The following C19orf18 variants were observed in gnomAD, a reference collection of about 807,000 sequenced individuals.
C19orf18 encodes chromosome 19 open reading frame 18.
A neutral mutation model predicts 23.3 loss-of-function variants in C19orf18; 21 were observed. That is an observed-to-expected ratio of 0.90 (90% CI 0.64 to 1.30). The LOEUF (loss-of-function observed/expected upper bound fraction) is 1.30, where lower values mean the gene tolerates loss of function less well. Among genes scored for constraint, C19orf18 ranks in the 50% most tolerant of loss-of-function variants. The probability of loss-of-function intolerance (pLI) is 0.00; values close to 1 mark genes in which losing one functional copy is unlikely to be tolerated. For missense variants in C19orf18, 249 were observed against 259.6 expected, an observed-to-expected ratio of 0.96 and a Z score of 0.28; for synonymous variants, 96 against 95.2, an observed-to-expected ratio of 1.01 and a Z score of -0.05.
chr19:57,962,578 A>G (rs2072881079), intron 4 of C19orf18, among the ~76,000 whole-genome samples: 1 of 152,130 alleles, frequency 6.6e-6, no homozygotes, highest in Non-Finnish European at 1.5e-5. Context: ...TTTAGGGGCC[A>G]GGCGCGGTGG....
chr19:57,960,345 G>C (rs1007274812), intron 5 of C19orf18, among the ~76,000 whole-genome samples: 1 of 147,888 alleles, frequency 6.8e-6, no homozygotes, highest in Non-Finnish European at 1.5e-5. Context: ...AGAATGGCGT[G>C]AACCCGGGAG....
At chr19:57,961,346 T>C (rs987035408) in intron 5 of C19orf18, 45 bp downstream of exon 5, 9 of 1,524,574 alleles carry the variant, frequency 5.9e-6, no homozygotes, top group Non-Finnish European at 8.0e-6. Context: ...AAGCTGCCGC[T>C]GCCAGCTTGG....
chr19:57,971,973 G>A (rs1486059694), intron 3 of C19orf18, among the ~76,000 whole-genome samples: 1 of 150,728 alleles, frequency 6.6e-6, no homozygotes, highest in East Asian at 1.9e-4. Flanking sequence ...AGTGGAGATG[G>A]GTAGGTGGTG....
chr19:57,965,983 CT>C (rs778626671), intron 4 of C19orf18, among the ~76,000 whole-genome samples: 292 of 141,300 alleles, frequency 2.1e-3, no homozygotes, highest in African/African-American at 4.4e-3. Flanking sequence ...TTTTCTTTTT[CT>C]TTTTTTTTTT....
intron 3 of C19orf18, among the ~76,000 whole-genome samples, chr19:57,971,588 A>G (rs2072944986): frequency 6.6e-6 from 1 of 152,164 alleles, no homozygotes; most frequent in South Asian, 2.1e-4. Context: ...CTCCCGCCTC[A>G]GCCTCCCAAA....
rs1397268947 is a variant in C19orf18 at position 57,958,556 on chromosome 19, C to G, written c.*46G>C. The G allele has an allele frequency of 7.7e-7, 1 of 1,306,114 alleles. No individual in the cohort carries two copies. The highest frequency in any genetic ancestry group is 2.4e-5 in the East Asian group (1 of 41,606). 80.9% of individuals were successfully genotyped at this position (1,306,114 alleles called of 1,614,324 possible). A position where few individuals can be genotyped will look rare whatever the true frequency, so the allele number is the denominator to read the frequency against. On this transcript the variant is annotated 3_prime_UTR_variant, in exon 6 of 6. Coordinates refer to ENST00000314391, the MANE Select transcript of C19orf18 (RefSeq NM_152474.5). ...CCCACAGGCTCAGTCTCCCAGCACCCCCATAGTTTCTCCTCTGCCTCAGCC... is the reference window on the plus strand; with the variant it reads ...CCCACAGGCTCAGTCTCCCAGCACCGCCATAGTTTCTCCTCTGCCTCAGCC...
At chr19:57,959,169 AT>A (rs774500346) in intron 5 of C19orf18, among the ~76,000 whole-genome samples, 1 of 152,092 alleles carries the variant, frequency 6.6e-6, no homozygotes, top group Admixed American at 6.6e-5. Context: ...TCTCTCTAGA[AT>A]TTTTTAAACA....
chr19:57,972,883 T>C (rs1389381655), intron 2 of C19orf18, among the ~76,000 whole-genome samples: 1 of 151,870 alleles, frequency 6.6e-6, no homozygotes, highest in East Asian at 1.9e-4. Flanking sequence ...TCAGCAAGGG[T>C]TGGGCACAGT....
chr19:57,961,434 T>C lies in C19orf18; in HGVS notation c.489A>G (p.Leu163=). The change falls in exon 5 of 6, where the codon CTA becomes CTG. Residue 163 remains leucine (L), a synonymous_variant. Transcript: ENST00000314391. Reference sequence around the variant, plus strand: ...CCAGCTCATTTTCGTTCTCTGGAAGTAGGTGCGTGGACTCACCCTCGTCCT... The same window carrying C: ...CCAGCTCATTTTCGTTCTCTGGAAGCAGGTGCGTGGACTCACCCTCGTCCT... The part of the protein sequence containing the change: ...GSEDEGESTH[L]LPENENELEK... 6.2e-7 allele frequency: 1 copy of C among 1,614,046 alleles called. No homozygotes were observed. Among genetic ancestry groups the C allele is most frequent in the Non-Finnish European group, 8.5e-7 (1 of 1,179,982 alleles).
At chr19:57,961,352 C>T in intron 5 of C19orf18, 39 bp downstream of exon 5, 2 of 1,537,828 alleles carry the variant, frequency 1.3e-6, no homozygotes, top group Non-Finnish European at 8.8e-7. Context: ...CCGCTGCCAG[C>T]TTGGCTTTCC....
At chr19:57,973,596 G>C (rs1003387882) in intron 2 of C19orf18, among the ~76,000 whole-genome samples, 1 of 151,758 alleles carries the variant, frequency 6.6e-6, no homozygotes, top group African/African-American at 2.4e-5. Context: ...GTGGTGGCGG[G>C]TGCCTGTAGT....
intron 4 of C19orf18, among the ~76,000 whole-genome samples, chr19:57,964,780 C>CAATT (rs1276888740): frequency 1.3e-5 from 2 of 152,150 alleles, no homozygotes; most frequent in African/African-American, 2.4e-5. Flanking sequence ...ACACTTAATT[C>CAATT]AACGAAGCAA....
Position 57,974,336 on chromosome 19 carries a change from T to C in C19orf18, c.97A>G (p.Thr33Ala), listed in dbSNP as rs745652368. 5 of 1,614,162 alleles carry C rather than the reference T, an allele frequency of 3.1e-6. No individual in the cohort carries two copies. Among genetic ancestry groups the C allele is most frequent in the Middle Eastern group, 1.6e-4 (1 of 6,062 alleles). The change falls in exon 1 of 6, where the codon ACT becomes GCT. Residue 33 changes from threonine to alanine, a missense_variant. By Grantham distance (58) the Thr-to-Ala change is moderately conservative (BLOSUM62 0). Transcript: ENST00000314391. ...CLPYADGLHPTGNITGLPGSK... is the reference protein window; with the variant it reads ...CLPYADGLHPAGNITGLPGSK... ...CCTGGTAAGCCTGTTATGTTTCCAG[T>C]GGGATGGAGTCCATCTGCATACGGC... is the stretch of plus-strand genomic sequence containing the variant.
chr19:57,973,145 CAAAAAAAAAAAAAAAAAAAAAAAAAA>C (rs61625681), intron 2 of C19orf18, among the ~76,000 whole-genome samples: 8 of 24,166 alleles, frequency 3.3e-4, no homozygotes, highest in South Asian at 2.8e-3. Flanking sequence ...GACTCCGTCT[CAAAAAAAAAAAAAAAAAAAAAAAAAA>C]AAAAAAAAAA....
intron 3 of C19orf18, among the ~76,000 whole-genome samples, chr19:57,969,335 T>A (rs897890971): frequency 6.6e-6 from 1 of 151,426 alleles, no homozygotes; most frequent in Non-Finnish European, 1.5e-5. Context: ...GGTGTGCGGA[T>A]CACAAGGTCA....
intron 5 of C19orf18, among the ~76,000 whole-genome samples, chr19:57,960,188 A>G (rs1207635424): frequency 6.6e-6 from 1 of 151,928 alleles, no homozygotes; most frequent in African/African-American, 2.4e-5. Flanking sequence ...GCACTTTGGG[A>G]GGCTGAGGTG....
At chr19:57,958,829 T>C (rs2072846790) in intron 5 of C19orf18, 112 bp from the exon 6 acceptor site, 1 of 549,084 alleles carries the variant, frequency 1.8e-6, no homozygotes, top group Non-Finnish European at 3.1e-6. Context: ...AGTGGAATTT[T>C]CAGAGGATTC....
In C19orf18 at chr19:57,961,919, CCT is replaced by C. The variant is rs550751117; in HGVS notation, c.372-370_372-369del. Among the ~76,000 whole-genome samples the C allele has an allele frequency of 2.4e-3, 359 of 148,382 alleles. 2 individuals carry two copies. The highest frequency in any genetic ancestry group is 3.7e-3 in the Non-Finnish European group (246 of 66,834). Reference sequence around the variant, plus strand: ...TTTTTTTCCTTTTTCTTTCTTCTTTCCTCTCTTTCCTTCCTCCCTCCCTTCTT... The same window carrying C: ...TTTTTTTCCTTTTTCTTTCTTCTTTCCTCTTTCCTTCCTCCCTCCCTTCTT... On this transcript the variant is annotated intron_variant, in intron 4 of 5. Transcript: ENST00000314391.
At chr19:57,966,415 C>T in intron 4 of C19orf18, 115 bp downstream of exon 4, 6 of 675,840 alleles carry the variant, frequency 8.9e-6, no homozygotes, top group Non-Finnish European at 1.5e-5. Flanking sequence ...TTTATAATGA[C>T]CAATACTTTA....
Sources: allele counts gnomAD v4.1 joint callset (sites outside exome capture counted in the v4.1 genomes callset), GRCh38; gene constraint gnomAD v4.1.1; transcripts MANE v1.5; gene names NCBI Gene and HGNC (gene_info 2026-07-23, HGNC 2026-07-21).